Variants in WWOX observed in about 807,000 individuals in gnomAD.
WWOX encodes WW domain-containing oxidoreductase.
In WWOX, 69 loss-of-function variants were observed where a neutral mutation model predicts 46.2. The observed-to-expected ratio is 1.49, with a 90% CI of 1.23 to 1.82. The LOEUF (loss-of-function observed/expected upper bound fraction) is 1.82, where lower values mean the gene tolerates loss of function less well. Ranked by LOEUF, WWOX falls within the 40% of genes most tolerant of loss-of-function variation. The probability of loss-of-function intolerance (pLI) is 0.00; values close to 1 mark genes in which losing one functional copy is unlikely to be tolerated. For synonymous variants in WWOX, 359 were observed against 202.6 expected (o/e 1.77, Z -6.56); for missense variants, 919 against 542.6 (o/e 1.69, Z -6.89).
chr16:78,428,679 C>T (rs1412418328), intron 7 of WWOX, among the ~76,000 whole-genome samples: 1 of 152,126 alleles, frequency 6.6e-6, no homozygotes, highest in Admixed American at 6.5e-5. Context: ...TCTGTGTTAT[C>T]CTTAAATACT....
chr16:78,317,533 A>T (rs564609452), intron 5 of WWOX, among the ~76,000 whole-genome samples: 1 of 152,330 alleles, frequency 6.6e-6, no homozygotes, highest in South Asian at 2.1e-4. Flanking sequence ...CGGGTTGGAT[A>T]ATGGCAGAGA....
intron 8 of WWOX, among the ~76,000 whole-genome samples, chr16:78,726,269 G>A (rs914653985): frequency 1.3e-5 from 2 of 149,796 alleles, no homozygotes; most frequent in African/African-American, 4.9e-5. Context: ...CTGTCACCCA[G>A]GTTACAGTGC....
At chr16:79,038,286 C>T (rs2047906518) in intron 8 of WWOX, among the ~76,000 whole-genome samples, 1 of 151,958 alleles carries the variant, frequency 6.6e-6, no homozygotes, top group Non-Finnish European at 1.5e-5. Flanking sequence ...AGATAAAATA[C>T]ATAAAAGGGC....
intron 8 of WWOX, among the ~76,000 whole-genome samples, chr16:78,571,455 G>T (rs2044714049): frequency 6.6e-6 from 1 of 152,032 alleles, no homozygotes; most frequent in Non-Finnish European, 1.5e-5. Flanking sequence ...AGTTTTTGTG[G>T]GCATAGGTCT....
At chr16:79,169,638 A>G (rs564941825) in intron 8 of WWOX, among the ~76,000 whole-genome samples, 2 of 152,332 alleles carry the variant, frequency 1.3e-5, no homozygotes, top group South Asian at 2.1e-4. Context: ...AAATGATGGC[A>G]CAAGCCCTAA....
intron 8 of WWOX, among the ~76,000 whole-genome samples, chr16:79,096,696 T>C (rs561397908): frequency 6.6e-6 from 1 of 152,276 alleles, no homozygotes; most frequent in Admixed American, 6.5e-5. Flanking sequence ...CATTTTGCTT[T>C]CTCCCCGCTC....
intron 8 of WWOX, among the ~76,000 whole-genome samples, chr16:79,185,234 C>G (rs1442883102): frequency 1.3e-5 from 2 of 152,128 alleles, no homozygotes; most frequent in African/African-American, 4.8e-5. Context: ...AGCATCATTT[C>G]CTGGTGAAGC....
At chr16:78,510,299 G>A (rs1234906839) in intron 8 of WWOX, among the ~76,000 whole-genome samples, 1 of 152,144 alleles carries the variant, frequency 6.6e-6, no homozygotes, top group Non-Finnish European at 1.5e-5. Flanking sequence ...TCCGCCTCCT[G>A]AGTTCAACTG....
intron 8 of WWOX, among the ~76,000 whole-genome samples, chr16:78,881,887 C>G (rs532938176): frequency 1.4e-4 from 21 of 152,222 alleles, no homozygotes; most frequent in African/African-American, 5.1e-4. Flanking sequence ...CTTTGGTAGG[C>G]CGAGGTAGGT....
At chr16:78,578,764 G>T (rs745498087) in intron 8 of WWOX, among the ~76,000 whole-genome samples, 1 of 152,160 alleles carries the variant, frequency 6.6e-6, no homozygotes, top group East Asian at 1.9e-4. Flanking sequence ...GAATACAACC[G>T]CATGGTTTTC....
chr16:79,195,284 T>C (rs2051217009), intron 8 of WWOX, among the ~76,000 whole-genome samples: 1 of 151,774 alleles, frequency 6.6e-6, no homozygotes, highest in South Asian at 2.1e-4. Flanking sequence ...GCAAGCAGGA[T>C]GGGGTGGAGG....
intron 8 of WWOX, among the ~76,000 whole-genome samples, chr16:78,635,404 A>G (rs2046543447): frequency 6.6e-6 from 1 of 151,340 alleles, no homozygotes; most frequent in Non-Finnish European, 1.5e-5. Flanking sequence ...TCTGGGAGGA[A>G]CTAGGGGAGC....
chr16:78,974,106 C>T (rs947167953), intron 8 of WWOX, among the ~76,000 whole-genome samples: 2 of 152,188 alleles, frequency 1.3e-5, no homozygotes, highest in African/African-American at 4.8e-5. Context: ...AAGGACTCTC[C>T]TCATTTCTGC....
At chr16:78,665,892 C>G (rs1346992499) in intron 8 of WWOX, among the ~76,000 whole-genome samples, 3 of 151,972 alleles carry the variant, frequency 2.0e-5, no homozygotes. Flanking sequence ...ACCATGTTGG[C>G]CAGGCTGGTC....
chr16:78,769,734 G>A (rs896515713), intron 8 of WWOX, among the ~76,000 whole-genome samples: 2 of 151,412 alleles, frequency 1.3e-5, no homozygotes, highest in Non-Finnish European at 2.9e-5. Flanking sequence ...CGAGCACAGT[G>A]ACTCATGCCT....
intron 8 of WWOX, among the ~76,000 whole-genome samples, chr16:78,649,567 T>G (rs9931114): frequency 0.43 from 65,262 of 152,084 alleles, 15,141 homozygotes; most frequent in African/African-American, 0.61. Flanking sequence ...TTGAGCTACT[T>G]CCCCAGGCTC....
intron 8 of WWOX, among the ~76,000 whole-genome samples, chr16:78,998,757 G>C (rs2047038181): frequency 6.6e-6 from 1 of 152,188 alleles, no homozygotes; most frequent in South Asian, 2.1e-4. Flanking sequence ...AACAAGCGTT[G>C]CTTCTATTGA....
intron 7 of WWOX, among the ~76,000 whole-genome samples, chr16:78,426,124 C>A (rs570269439): frequency 6.6e-6 from 1 of 152,212 alleles, no homozygotes; most frequent in East Asian, 1.9e-4. Flanking sequence ...AGTAATAATC[C>A]TCCCCCGTGT....
intron 8 of WWOX, among the ~76,000 whole-genome samples, chr16:79,200,303 G>C (rs1272828267): frequency 1.3e-5 from 2 of 152,178 alleles, no homozygotes; most frequent in African/African-American, 2.4e-5. Context: ...GGCCCAGGCA[G>C]GAAATAAGTA....
Sources: gnomAD v4.1 joint callset for allele counts (sites outside exome capture counted in the v4.1 genomes callset) on GRCh38, gnomAD v4.1.1 for gene constraint, MANE v1.5 for transcripts, NCBI Gene and HGNC (gene_info 2026-07-23, HGNC 2026-07-21) for gene names.